Variants in SLC12A8 observed in about 807,000 individuals in gnomAD.
SLC12A8 encodes cation-chloride cotransporter 9.
A neutral mutation model predicts 75.6 loss-of-function variants in SLC12A8; 69 were observed. The ratio of observed to expected loss-of-function variants is 0.91; its 90% CI spans 0.75 to 1.11. The LOEUF is 1.11. SLC12A8 is among the 50% of genes most tolerant of loss of function. The pLI, the probability that SLC12A8 is intolerant of heterozygous loss-of-function variation, is 0.00. For synonymous variants in SLC12A8, 365 were observed against 372.8 expected (o/e 0.98, Z 0.24); for missense variants, 877 against 896.7 (o/e 0.98, Z 0.28).
At chr3:125,183,154 C>T (rs1372825382) in intron 4 of SLC12A8, among the ~76,000 whole-genome samples, 3 of 152,160 alleles carry the variant, frequency 2.0e-5, no homozygotes. Flanking sequence ...CCCAGCCTTC[C>T]CTAGAGCAAT....
At chr3:125,170,943 T>G (rs1934395505) in intron 5 of SLC12A8, among the ~76,000 whole-genome samples, 1 of 151,594 alleles carries the variant, frequency 6.6e-6, no homozygotes, top group South Asian at 2.1e-4. Flanking sequence ...AGAAAGAAAA[T>G]AGACTGAGAA....
intron 10 of SLC12A8, among the ~76,000 whole-genome samples, chr3:125,094,066 A>G (rs1938651952): frequency 6.6e-6 from 1 of 151,994 alleles, no homozygotes; most frequent in Non-Finnish European, 1.5e-5. Context: ...ACTCATCCCA[A>G]CTGTCAACTC....
At position 125,141,951 on chromosome 3, in the gene SLC12A8, C is replaced by G. The variant is rs74706137; in HGVS notation, c.623-6169G>C. 4.4e-3 allele frequency among the ~76,000 whole-genome samples: 669 copies of G among 152,134 alleles called. 3 individuals carry two copies. The highest frequency in any genetic ancestry group is 7.2e-3 in the Non-Finnish European group (491 of 67,976). ...GGCCGCTTCTGGGAAGGGACCCGCA[C>G]GACGACGCCCGAAGGGCGTCGGGGG... On this transcript the variant is annotated intron_variant, in intron 5 of 13. Transcript: ENST00000469902.
chr3:125,094,596 T>C (rs777550052), intron 10 of SLC12A8, among the ~76,000 whole-genome samples: 1 of 152,180 alleles, frequency 6.6e-6, no homozygotes, highest in Admixed American at 6.5e-5. Flanking sequence ...TCTCACATCA[T>C]CAATTTTTCT....
At chr3:125,152,057 T>C (rs1425919796) in intron 5 of SLC12A8, among the ~76,000 whole-genome samples, 1 of 152,222 alleles carries the variant, frequency 6.6e-6, no homozygotes, top group Non-Finnish European at 1.5e-5. Context: ...CAGTATTTCT[T>C]CCCTGATAAT....
chr3:125,149,376 G>T (rs1377017640), intron 5 of SLC12A8, among the ~76,000 whole-genome samples: 1 of 152,196 alleles, frequency 6.6e-6, no homozygotes, highest in Non-Finnish European at 1.5e-5. Context: ...AGGGGTCTGG[G>T]ATTCTGGTCA....
intron 10 of SLC12A8, among the ~76,000 whole-genome samples, chr3:125,094,178 C>T (rs1039135596): frequency 4.6e-5 from 7 of 152,164 alleles, no homozygotes; most frequent in African/African-American, 7.2e-5. Context: ...TTAAAAGCAA[C>T]GTTAAGCTCA....
intron 2 of SLC12A8, among the ~76,000 whole-genome samples, chr3:125,208,679 GACC>G (rs1935272137): frequency 1.3e-5 from 2 of 149,572 alleles, no homozygotes; most frequent in South Asian, 4.2e-4. Flanking sequence ...ATGCACCCTC[GACC>G]ACCACACCAT....
At chr3:125,122,189 T>C (rs1933077109) in intron 6 of SLC12A8, among the ~76,000 whole-genome samples, 1 of 152,196 alleles carries the variant, frequency 6.6e-6, no homozygotes, top group Non-Finnish European at 1.5e-5. Flanking sequence ...CCCATTATTA[T>C]AAAAATATAT....
chr3:125,107,481 C>T lies in SLC12A8; in HGVS notation c.1705G>A (p.Asp569Asn), dbSNP rs779281552. 2.0e-5 allele frequency: 32 copies of T among 1,602,168 alleles called. No homozygotes were observed. The South Asian group carries it at 3.3e-4, about 17-fold the overall frequency. ...LCNQSESSGE[D>N]FFLKSRLQEQ... ...CCCAGTGTGATACCAGAGCACTCAC[C>T]TTCTCCACTGGACTCTGATTGGTTG... The change falls in exon 10 of 14, where the codon GAT becomes AAT. Residue 569 changes from aspartate (D) to asparagine (N), a missense_variant and splice_region_variant. Transcript: ENST00000469902.
intron 4 of SLC12A8, 26 bp from the exon 5 acceptor site, chr3:125,178,000 G>A (rs1934577203): frequency 6.3e-7 from 1 of 1,592,498 alleles, no homozygotes; most frequent in Non-Finnish European, 8.6e-7. Context: ...AGGTAGAAGA[G>A]TCAGCAGGAC....
At chr3:125,115,691 C>G (rs766774126) in intron 8 of SLC12A8, among the ~76,000 whole-genome samples, 21 of 152,064 alleles carry the variant, frequency 1.4e-4, no homozygotes, top group Non-Finnish European at 7.4e-5. Context: ...CAGCCTGCAG[C>G]CATTGAAGAT....
intron 4 of SLC12A8, among the ~76,000 whole-genome samples, chr3:125,181,843 C>A (rs1198442526): frequency 1.3e-5 from 2 of 151,518 alleles, no homozygotes; most frequent in African/African-American, 4.8e-5. Context: ...AGAGAAAATG[C>A]AAAAATATAG....
chr3:125,123,393 A>G (rs1933111248), intron 6 of SLC12A8: 1 of 146,628 alleles, frequency 6.8e-6, no homozygotes. Context: ...AAAAAAAAAG[A>G]AGGATCCCTT....
chr3:125,187,107 C>T lies in SLC12A8; in HGVS notation c.390+130G>A, dbSNP rs1934802107. The T allele has an allele frequency of 5.8e-6, 5 of 864,802 alleles. No individual in the cohort carries two copies. In the Admixed American group the frequency reaches 1.1e-4, roughly 20 times the overall value. The allele number at this position is 864,802 out of a possible 1,614,324, so 53.6% of individuals were successfully genotyped here. On this transcript the variant is annotated intron_variant, in intron 4 of 13. Transcript: ENST00000469902. Reference sequence around the variant, plus strand: ...CTCTCTGCTGAATTCCCTTCAGAGCCCCAACCTGCTCGTCTGTCACATGCG... The same window carrying T: ...CTCTCTGCTGAATTCCCTTCAGAGCTCCAACCTGCTCGTCTGTCACATGCG...
intron 2 of SLC12A8, among the ~76,000 whole-genome samples, chr3:125,199,908 A>G (rs1935087997): frequency 6.6e-6 from 1 of 152,188 alleles, no homozygotes; most frequent in Non-Finnish European, 1.5e-5. Flanking sequence ...TATGTGTGCC[A>G]ACGTCCTATT....
chr3:125,156,434 C>T (rs1342597316), intron 5 of SLC12A8, among the ~76,000 whole-genome samples: 1 of 152,186 alleles, frequency 6.6e-6, no homozygotes, highest in Non-Finnish European at 1.5e-5. Flanking sequence ...AAAGTAAATA[C>T]TTATGGCAGG....
intron 6 of SLC12A8, among the ~76,000 whole-genome samples, chr3:125,129,294 GAA>G (rs1933295601): frequency 6.6e-6 from 1 of 152,222 alleles, no homozygotes; most frequent in Non-Finnish European, 1.5e-5. Flanking sequence ...TGGTATGTGT[GAA>G]ACCCTGGAGA....
intron 6 of SLC12A8, among the ~76,000 whole-genome samples, chr3:125,134,840 G>A (rs1933449359): frequency 6.6e-6 from 1 of 152,246 alleles, no homozygotes; most frequent in Non-Finnish European, 1.5e-5. Flanking sequence ...GGAGGGCAGA[G>A]GGAAAGGAGA....
Sources: gnomAD v4.1 joint callset for allele counts (sites outside exome capture counted in the v4.1 genomes callset) on GRCh38, gnomAD v4.1.1 for gene constraint, MANE v1.5 for transcripts, NCBI Gene and HGNC (gene_info 2026-07-23, HGNC 2026-07-21) for gene names.